The following TUT4 variants were observed in gnomAD, a reference collection of about 807,000 sequenced individuals.
TUT4 encodes the protein terminal uridylyl transferase 4, also known as terminal uridylyltransferase 4.
Under a neutral mutation model 192.2 loss-of-function variants are expected in TUT4, and 36 were observed. The observed-to-expected ratio is 0.19, with a 90% CI of 0.14 to 0.25. TUT4 has a LOEUF of 0.25. TUT4 is among the 10% of genes least tolerant of loss of function. TUT4 has a pLI of 1.00. For missense variants in TUT4, 1,493 were observed against 1,957.2 expected (o/e 0.76, Z 4.47); for synonymous variants, 618 against 666.0 (o/e 0.93, Z 1.11).
intron 9 of TUT4, among the ~76,000 whole-genome samples, chr1:52,484,335 A>T (rs1436602789): frequency 1.3e-5 from 2 of 152,244 alleles, no homozygotes. Flanking sequence ...GTTATAAGTA[A>T]TCTAGTGATG....
intron 11 of TUT4, among the ~76,000 whole-genome samples, chr1:52,479,212 A>C (rs1667852438): frequency 1.3e-5 from 2 of 152,198 alleles, no homozygotes; most frequent in South Asian, 4.1e-4. Context: ...TAGAAGAGGA[A>C]AGAAAGCAAA....
At chr1:52,463,671 A>G (rs1663258292) in intron 16 of TUT4, 1 of 1,304,178 alleles carries the variant, frequency 7.7e-7, no homozygotes, top group Non-Finnish European at 1.0e-6. Flanking sequence ...CTACAAGGAT[A>G]CCCTCCTTTG....
At chr1:52,518,848 T>G (rs536035103) in intron 2 of TUT4, among the ~76,000 whole-genome samples, 1 of 152,288 alleles carries the variant, frequency 6.6e-6, no homozygotes, top group East Asian at 1.9e-4. Context: ...GCATGGGGTT[T>G]CCTTTTGGGA....
chr1:52,463,570 T>C, intron 16 of TUT4: 3 of 1,247,826 alleles, frequency 2.4e-6, no homozygotes, highest in Non-Finnish European at 3.1e-6. Context: ...CCACTACAGA[T>C]GCCAGAAGCT....
chr1:52,461,087 T>C (rs1469218233), intron 19 of TUT4, 47 bp downstream of exon 19: 3 of 1,442,498 alleles, frequency 2.1e-6, no homozygotes, highest in South Asian at 1.4e-5. Context: ...TTATGTTTCA[T>C]TTTAATTATC....
chr1:52,446,205 C>T, intron 22 of TUT4, 60 bp downstream of exon 22: 1 of 1,495,470 alleles, frequency 6.7e-7, no homozygotes, highest in African/African-American at 1.4e-5. Flanking sequence ...TTCAGTTTTC[C>T]CCTCAATTTC....
At chr1:52,529,376 A>G (rs1486415163) in intron 1 of TUT4, among the ~76,000 whole-genome samples, 4 of 152,214 alleles carry the variant, frequency 2.6e-5, no homozygotes, top group African/African-American at 4.8e-5. Context: ...GGTGTTTTAC[A>G]TAACTGTCAG....
At chr1:52,463,590 C>T in intron 16 of TUT4, 2 of 1,273,460 alleles carry the variant, frequency 1.6e-6, no homozygotes, top group Non-Finnish European at 2.1e-6. Context: ...TGGGCCTCAC[C>T]CCAATCTTGC....
At chr1:52,429,089 T>G (rs1043139270) in intron 28 of TUT4, among the ~76,000 whole-genome samples, 1 of 147,878 alleles carries the variant, frequency 6.8e-6, no homozygotes, top group Non-Finnish European at 1.5e-5. Context: ...TAGGTTTTTT[T>G]TTTTTTTTTT....
At chr1:52,537,033 G>A (rs1289820089) in intron 1 of TUT4, among the ~76,000 whole-genome samples, 3 of 151,582 alleles carry the variant, frequency 2.0e-5, no homozygotes, top group East Asian at 1.9e-4. Context: ...GGTGGCGTGC[G>A]CCCATAGTCC....
At chr1:52,531,408 C>T (rs888297332) in intron 1 of TUT4, among the ~76,000 whole-genome samples, 9 of 151,830 alleles carry the variant, frequency 5.9e-5, no homozygotes, top group Non-Finnish European at 1.2e-4. Flanking sequence ...TGAAAGTGAT[C>T]CTGAAAGCAG....
At chr1:52,494,254 G>A (rs1046913752) in intron 6 of TUT4, among the ~76,000 whole-genome samples, 1 of 152,108 alleles carries the variant, frequency 6.6e-6, no homozygotes, top group Non-Finnish European at 1.5e-5. Flanking sequence ...AGAGAAATGA[G>A]TTGACCAGAT....
chr1:52,481,710 A>C (rs1668515107), intron 10 of TUT4, 75 bp from the exon 11 acceptor site: 4 of 1,548,120 alleles, frequency 2.6e-6, no homozygotes, highest in South Asian at 1.3e-5. Context: ...CAAACAGACA[A>C]ACCAGAATTC....
At chr1:52,535,150 C>A (rs1684567517) in intron 1 of TUT4, 1 of 152,126 alleles carries the variant, frequency 6.6e-6, no homozygotes, top group Non-Finnish European at 1.5e-5. Context: ...ACATCATTCA[C>A]TTCTGTAAAA....
At chr1:52,501,443 CG>C (rs1325324490) in intron 4 of TUT4, among the ~76,000 whole-genome samples, 1 of 98,398 alleles carries the variant, frequency 1.0e-5, no homozygotes. Flanking sequence ...TATGGGGGGG[CG>C]GGGGGAGGCA....
intron 14 of TUT4, 44 bp downstream of exon 14, chr1:52,471,908 A>C (rs1453833078): frequency 6.5e-7 from 1 of 1,539,122 alleles, no homozygotes; most frequent in African/African-American, 1.4e-5. Flanking sequence ...TTTAATATCT[A>C]AGAAGGAATC....
intron 7 of TUT4, among the ~76,000 whole-genome samples, chr1:52,491,889 T>C (rs937288048): frequency 1.1e-4 from 17 of 152,132 alleles, no homozygotes; most frequent in Admixed American, 8.5e-4. Flanking sequence ...AATAAGGGGT[T>C]TGGGACACAA....
At chr1:52,437,947 G>A (rs966905184) in intron 25 of TUT4, among the ~76,000 whole-genome samples, 3 of 151,668 alleles carry the variant, frequency 2.0e-5, no homozygotes, top group Admixed American at 1.3e-4. Flanking sequence ...AGGGCGAGAT[G>A]CCGTCTCAAA....
At chr1:52,523,516 G>T (rs930829652) in intron 2 of TUT4, among the ~76,000 whole-genome samples, 1 of 151,824 alleles carries the variant, frequency 6.6e-6, no homozygotes, top group African/African-American at 2.4e-5. Flanking sequence ...TTGCTTGAAC[G>T]TGGGAGGCAG....
Sources: allele counts gnomAD v4.1 joint callset (sites outside exome capture counted in the v4.1 genomes callset), GRCh38; gene constraint gnomAD v4.1.1; transcripts MANE v1.5; gene names NCBI Gene and HGNC (gene_info 2026-07-23, HGNC 2026-07-21).